Variants in CABP4 observed in about 807,000 individuals in gnomAD.
CABP4 encodes calcium binding protein 4.
Under a neutral mutation model 30.7 loss-of-function variants are expected in CABP4, and 30 were observed. The ratio of observed to expected loss-of-function variants is 0.98; its 90% CI spans 0.73 to 1.33. CABP4 has a LOEUF of 1.33. CABP4 is among the 40% of genes most tolerant of loss of function. CABP4 has a pLI of 0.00. For missense variants in CABP4, 424 were observed against 395.5 expected, an observed-to-expected ratio of 1.07 and a Z score of -0.61; for synonymous variants, 161 against 159.2, an observed-to-expected ratio of 1.01 and a Z score of -0.08.
chr11:67,455,260 T>C, upstream of CABP4: 1 of 949,900 alleles, frequency 1.1e-6, no homozygotes. Flanking sequence ...GGCAGAGGAC[T>C]GGGATTAGGG....
At chr11:67,456,034 A>T (rs1864773996) in intron 1 of CABP4, 154 bp from the exon 2 acceptor site, 1 of 1,405,650 alleles carries the variant, frequency 7.1e-7, no homozygotes, top group Middle Eastern at 2.4e-4. Context: ...CACAAAAGGG[A>T]GCTTGCTCCT....
upstream of CABP4, among the ~76,000 whole-genome samples, chr11:67,454,560 C>A (rs560134727): frequency 1.3e-5 from 2 of 152,166 alleles, no homozygotes; most frequent in African/African-American, 4.8e-5. Context: ...CTCCAGCTGT[C>A]CCCCCGGCCC....
chr11:67,459,261 G>T lies in CABP4; in HGVS notation c.*602G>T, dbSNP rs1864939050. 6.4e-6 allele frequency: 1 copy of T among 155,884 alleles called. No individual in the cohort carries two copies. Among genetic ancestry groups the T allele is most frequent in the African/African-American group, 2.4e-5 (1 of 41,556 alleles). 9.7% of individuals were successfully genotyped at this position (155,884 alleles called of 1,614,324 possible). ...GTAAAAAAAGTGAGCTTGAAAGAAA[G>T]AAAGGGATGGCTCCATGTATCAAAG... On this transcript the variant is annotated 3_prime_UTR_variant, in exon 6 of 6. Transcript: ENST00000325656.
At position 67,456,171 on chromosome 11, in the gene CABP4, G is replaced by T. The variant is rs760021877; in HGVS notation, c.367-17G>T. 1.4e-5 allele frequency: 22 copies of T among 1,613,158 alleles called. No individual in the cohort carries two copies. Among genetic ancestry groups the T allele is most frequent in the Non-Finnish European group, 1.9e-5 (22 of 1,179,888 alleles). On this transcript the variant is annotated splice_polypyrimidine_tract_variant and intron_variant, in intron 1 of 5. Transcript: ENST00000325656. Reference sequence around the variant, plus strand: ...CCGTGGCTGGCCCTGGGGACATCCTGGACTCTCCCCCTGCAGGACCGCGAA... The same window carrying T: ...CCGTGGCTGGCCCTGGGGACATCCTTGACTCTCCCCCTGCAGGACCGCGAA...
rs1196796157 is a variant in CABP4 at position 67,459,214 on chromosome 11, CAAAA to C, written c.*558_*561del. The C allele has an allele frequency of 2.6e-5, 4 of 153,912 alleles. No homozygotes were observed. Among genetic ancestry groups the C allele is most frequent in the African/African-American group, 9.7e-5 (4 of 41,322 alleles). 9.5% of individuals were successfully genotyped at this position (153,912 alleles called of 1,614,324 possible). On this transcript the variant is annotated 3_prime_UTR_variant, in exon 6 of 6. Transcript: ENST00000325656. Reference sequence around the variant, plus strand: ...GAAAAATAAAAGACAAAAAAACAAACAAAAAACCAAAAAACCCAAGTGTAAAAAA... The same window carrying C: ...GAAAAATAAAAGACAAAAAAACAAACAACCAAAAAACCCAAGTGTAAAAAA...
Position 67,460,465 on chromosome 11 carries a change from G to GA in CABP4, c.*1813dup, listed in dbSNP as rs200446327. Among the ~76,000 whole-genome samples the GA allele has an allele frequency of 2.3e-3, 342 of 146,032 alleles. 7 individuals carry two copies. In the East Asian group the frequency reaches 0.04, roughly 17 times the overall value. On this transcript the variant is annotated 3_prime_UTR_variant, in exon 6 of 6. Transcript: ENST00000325656. ...TAACAGAGTGAGAATCCGTCAAAAA[G>GA]AAAAAAACAAACCATGGCTTCTGTT...
In CABP4 at chr11:67,458,651, C is replaced by A. The variant is rs202142799; in HGVS notation, c.820C>A (p.Arg274Ser). The stretch of plus-strand genomic sequence containing the variant: ...CGCAGAGTTTGTGATGATGCTCTCC[C>A]GCCACTGAGGCTCCAGGAGGGAATA... ...DFDEFVMMLS[R>S]H Residue 274 changes from arginine to serine, a missense_variant, in exon 6 of 6, where the codon CGC (arginine) becomes AGC (serine). By Grantham distance (110) the Arg-to-Ser change is moderately radical. Coordinates refer to ENST00000325656, the MANE Select transcript of CABP4 (RefSeq NM_145200.5). The A allele has an allele frequency of 6.2e-7, 1 of 1,614,052 alleles. No homozygotes were observed. Among genetic ancestry groups the A allele is most frequent in the African/African-American group, 1.3e-5 (1 of 75,034 alleles).
At chr11:67,456,884 T>C (rs1864829774) in intron 3 of CABP4, among the ~76,000 whole-genome samples, 1 of 152,218 alleles carries the variant, frequency 6.6e-6, no homozygotes, top group African/African-American at 2.4e-5. Flanking sequence ...GGGGTCGCCC[T>C]GATGGGAGAG....
chr11:67,458,839 C>A lies in CABP4; in HGVS notation c.*180C>A, dbSNP rs1864925892. On this transcript the variant is annotated 3_prime_UTR_variant, in exon 6 of 6. Transcript: ENST00000325656. ...TGTTATGTTACCTGCCCACCCTCAT[C>A]CTTACCTCCTCCTACTCAAGCTGCC... 3 of 715,594 alleles carry A rather than the reference C, an allele frequency of 4.2e-6. No homozygotes were observed. Among genetic ancestry groups the A allele is most frequent in the Non-Finnish European group, 7.3e-6 (3 of 411,926 alleles). The allele number at this position is 715,594 out of a possible 1,614,324, so 44.3% of individuals were successfully genotyped here.
At chr11:67,456,138 T>A (rs1385600265) in intron 1 of CABP4, 50 bp from the exon 2 acceptor site, 1 of 1,612,716 alleles carries the variant, frequency 6.2e-7, no homozygotes, top group Non-Finnish European at 8.5e-7. Context: ...GGAGGAAGGA[T>A]GACAGAGCCG....
In CABP4 at chr11:67,456,406, G is replaced by C. The variant is rs1164617949; in HGVS notation, c.505G>C (p.Glu169Gln). Residue 169 changes from glutamate (E) to glutamine (Q), a missense_variant, in exon 3 of 6, where the codon GAG becomes CAG. Glu to Gln is a conservative substitution (Grantham distance 29). Transcript: ENST00000325656. ...RTLGYMPTEM[E>Q]LLEVSQHIKM... ...CCTGGGCTACATGCCCACCGAGATG[G>C]AGCTCCTGGAGGTCTCGCAGCACAT... The C allele has an allele frequency of 6.2e-7, 1 of 1,612,688 alleles. No homozygotes were observed. Among genetic ancestry groups the C allele is most frequent in the East Asian group, 2.2e-5 (1 of 44,876 alleles).
rs765674333 is a variant in CABP4, at chr11:67,455,734, TGCACGAC to T, written c.314_320del (p.His105LeufsTer25). On this transcript the variant is annotated frameshift_variant, in exon 1 of 6. Coordinates refer to ENST00000325656, the MANE Select transcript of CABP4 (RefSeq NM_145200.5). LOFTEE classifies it high-confidence loss of function. ...TCCCACCGACATCGTCCTGACTCCCTGCACGACGCTGCTCAGAGGACATACGGGCCCC... is the reference window on the plus strand; with the variant it reads ...TCCCACCGACATCGTCCTGACTCCCTGCTGCTCAGAGGACATACGGGCCCC... The T allele has an allele frequency of 1.9e-6, 3 of 1,602,874 alleles. No individual in the cohort carries two copies. Among genetic ancestry groups the T allele is most frequent in the South Asian group, 2.2e-5 (2 of 89,292 alleles).
rs1193736891 is a variant in CABP4 at position 67,461,070 on chromosome 11, G to A, written c.*2411G>A. 1.3e-5 allele frequency among the ~76,000 whole-genome samples: 2 copies of A among 152,042 alleles called. No homozygotes were observed. ...CCAGCATTTTGGGAGGCTAAGGCAG[G>A]AGGATCACTTGAGGCCAGGAGTTTG... On this transcript the variant is annotated 3_prime_UTR_variant, in exon 6 of 6. Transcript: ENST00000325656.
chr11:67,452,752 C>G (rs189793824), upstream of CABP4: 2 of 1,508,446 alleles, frequency 1.3e-6, no homozygotes, highest in Non-Finnish European at 1.8e-6. Context: ...CTGCTGGACA[C>G]GGAGTGGGTG....
intron 3 of CABP4, 91 bp from the exon 4 acceptor site, chr11:67,457,482 T>C: frequency 9.2e-7 from 1 of 1,090,892 alleles, no homozygotes; most frequent in Non-Finnish European, 1.4e-6. Context: ...GTGCAGAGCC[T>C]GGGGGTGGGG....
intron 5 of CABP4, 51 bp downstream of exon 5, chr11:67,458,569 G>A: frequency 2.5e-6 from 4 of 1,614,056 alleles, no homozygotes; most frequent in Non-Finnish European, 3.4e-6. Context: ...CCTAGGCTGA[G>A]CCCAGCACCT....
chr11:67,452,699 A>T, upstream of CABP4: 1 of 1,583,828 alleles, frequency 6.3e-7, no homozygotes, highest in South Asian at 1.1e-5. Flanking sequence ...AGTGGCACCC[A>T]GGTCAGCTTC....
In CABP4 at chr11:67,455,805, G is replaced by C. The variant is rs1285219083; in HGVS notation, c.366+16G>C. 1 of 1,557,720 alleles carries C rather than the reference G, an allele frequency of 6.4e-7. No homozygotes were observed. The highest frequency in any genetic ancestry group is 2.4e-5 in the East Asian group (1 of 41,626). The stretch of plus-strand genomic sequence containing the variant: ...CTTCGGGAAGGTTAGGTGGGACCTG[G>C]ATTGGGCTGGGGGTCCTGGGGGTGG... On this transcript the variant is annotated intron_variant, in intron 1 of 5. Coordinates refer to ENST00000325656, the MANE Select transcript of CABP4 (RefSeq NM_145200.5).
upstream of CABP4, among the ~76,000 whole-genome samples, chr11:67,454,222 C>T (rs1864674419): frequency 6.6e-6 from 1 of 152,184 alleles, no homozygotes; most frequent in Non-Finnish European, 1.5e-5. Flanking sequence ...CCCCACCTCG[C>T]CCTTCCCCGC....
Sources: gnomAD v4.1 joint callset for allele counts (sites outside exome capture counted in the v4.1 genomes callset) on GRCh38, gnomAD v4.1.1 for gene constraint, MANE v1.5 for transcripts, NCBI Gene and HGNC (gene_info 2026-07-23, HGNC 2026-07-21) for gene names.